The following ERGIC1 variants were observed in gnomAD, a reference collection of about 807,000 sequenced individuals.
ERGIC1 encodes endoplasmic reticulum-golgi intermediate compartment 1, also known as endoplasmic reticulum-Golgi intermediate compartment protein 1.
ERGIC1 carries 19 observed loss-of-function variants against 38.3 expected under a neutral mutation model. That is an observed-to-expected ratio of 0.50 (90% CI 0.35 to 0.73). The LOEUF (loss-of-function observed/expected upper bound fraction) is 0.73, where lower values mean the gene tolerates loss of function less well. Ranked by LOEUF, ERGIC1 falls within the 30% of genes least tolerant of loss-of-function variation. The pLI, the probability that ERGIC1 is intolerant of heterozygous loss-of-function variation, is 0.01. For missense variants in ERGIC1, 294 were observed against 389.2 expected (o/e 0.76, Z 2.06); for synonymous variants, 124 against 157.6 (o/e 0.79, Z 1.60).
intron 1 of ERGIC1, among the ~76,000 whole-genome samples, chr5:172,879,286 G>A (rs1166020205): frequency 3.3e-5 from 5 of 152,234 alleles, no homozygotes; most frequent in Non-Finnish European, 5.9e-5. Context: ...GGGAAGACGT[G>A]TTTATTCGGG....
intron 1 of ERGIC1, among the ~76,000 whole-genome samples, chr5:172,856,719 C>T (rs902346700): frequency 2.0e-5 from 3 of 152,196 alleles, no homozygotes; most frequent in Non-Finnish European, 4.4e-5. Flanking sequence ...GAATGGTTCC[C>T]AAAGGCTGTG....
At chr5:172,879,783 CAG>C (rs1387575512) in intron 1 of ERGIC1, among the ~76,000 whole-genome samples, 1 of 152,226 alleles carries the variant, frequency 6.6e-6, no homozygotes, top group Non-Finnish European at 1.5e-5. Flanking sequence ...CCGCACACAA[CAG>C]AGCTTCCCAG....
At chr5:172,873,501 T>C (rs1311009083) in intron 1 of ERGIC1, among the ~76,000 whole-genome samples, 2 of 152,234 alleles carry the variant, frequency 1.3e-5, no homozygotes, top group African/African-American at 2.4e-5. Context: ...CCGTGGACCC[T>C]GCATCCTTCA....
At chr5:172,947,913 G>GGT (rs1764159135) in intron 9 of ERGIC1, among the ~76,000 whole-genome samples, 7 of 107,812 alleles carry the variant, frequency 6.5e-5, no homozygotes, top group Admixed American at 5.9e-4. Context: ...TGTGTGTGTG[G>GGT]TTATTTTTTA....
chr5:172,949,148 G>C (rs1446794154), intron 9 of ERGIC1, among the ~76,000 whole-genome samples: 1 of 152,180 alleles, frequency 6.6e-6, no homozygotes, highest in African/African-American at 2.4e-5. Flanking sequence ...CAATTTGTAG[G>C]CCATAACATT....
intron 1 of ERGIC1, among the ~76,000 whole-genome samples, chr5:172,845,402 C>A (rs1761262854): frequency 6.6e-6 from 1 of 152,194 alleles, no homozygotes; most frequent in African/African-American, 2.4e-5. Context: ...TTCCTGTGGG[C>A]AGCGGGCAGG....
In ERGIC1 at chr5:172,939,906, G is replaced by A. The variant is rs145953781; in HGVS notation, c.765+4596G>A. Among the ~76,000 whole-genome samples, 647 of 152,374 alleles carry A rather than the reference G, an allele frequency of 4.2e-3. 8 individuals are homozygous for A. The highest frequency in any genetic ancestry group is 0.015 in the African/African-American group (611 of 41,586). The stretch of plus-strand genomic sequence containing the variant: ...GCACAAAGATCCCTGGGAGCCCTCG[G>A]AGGGCGGGGTGGGGCCAGGATGGAA... On this transcript the variant is annotated intron_variant, in intron 9 of 9. Transcript: ENST00000393784.
chr5:172,840,385 C>T (rs1172239340), intron 1 of ERGIC1, among the ~76,000 whole-genome samples: 1 of 152,060 alleles, frequency 6.6e-6, no homozygotes, highest in South Asian at 2.1e-4. Context: ...TTTTGTCAGG[C>T]GTGGGAGAGA....
chr5:172,923,109 C>T (rs1428260501), intron 5 of ERGIC1, among the ~76,000 whole-genome samples: 3 of 120,498 alleles, frequency 2.5e-5, no homozygotes, highest in Non-Finnish European at 5.6e-5. Flanking sequence ...AGGATCATAC[C>T]AAGGGTTCTA....
intron 2 of ERGIC1, among the ~76,000 whole-genome samples, chr5:172,893,806 T>TGCTGAGTGA (rs1762628346): frequency 6.9e-6 from 1 of 144,426 alleles, no homozygotes; most frequent in Admixed American, 7.2e-5. Context: ...CGACATAGAT[T>TGCTGAGTGA]GCTGAGTGAG....
chr5:172,885,334 A>G (rs908733791), intron 1 of ERGIC1, among the ~76,000 whole-genome samples: 1 of 150,656 alleles, frequency 6.6e-6, no homozygotes, highest in African/African-American at 2.4e-5. Context: ...AGGTCTCTCT[A>G]TGCTGCCCAG....
At chr5:172,941,287 A>C (rs1335171791) in intron 9 of ERGIC1, among the ~76,000 whole-genome samples, 1 of 152,060 alleles carries the variant, frequency 6.6e-6, no homozygotes, top group East Asian at 1.9e-4. Flanking sequence ...TTCCCTAGCC[A>C]GACAGGATGA....
chr5:172,926,667 C>A lies in ERGIC1; in HGVS notation c.541+98C>A. On this transcript the variant is annotated intron_variant, in intron 7 of 9. Coordinates refer to ENST00000393784, the MANE Select transcript of ERGIC1 (RefSeq NM_001031711.3). The surrounding 1 kb of genome is among the most constrained non-coding windows in gnomAD (Gnocchi z 5.2). Reference sequence around the variant, plus strand: ...AGAGGTGGGGGTGCCTGTCCAGCACCCACTCCAAGGCAGGGAGGCTGCTGC... The same window carrying A: ...AGAGGTGGGGGTGCCTGTCCAGCACACACTCCAAGGCAGGGAGGCTGCTGC... 1 of 1,358,310 alleles carries A rather than the reference C, an allele frequency of 7.4e-7. No homozygotes were observed. The highest frequency in any genetic ancestry group is 1.2e-5 in the South Asian group (1 of 85,182). The allele number at this position is 1,358,310 out of a possible 1,614,324, so 84.1% of individuals were successfully genotyped here. A position where few individuals can be genotyped will look rare whatever the true frequency, so the allele number is the denominator to read the frequency against.
intron 9 of ERGIC1, among the ~76,000 whole-genome samples, chr5:172,939,879 C>T (rs555675500): frequency 9.8e-5 from 15 of 152,358 alleles, no homozygotes; most frequent in East Asian, 3.9e-4. Flanking sequence ...CGTACACACA[C>T]GGCACAAAGA....
chr5:172,870,902 G>A (rs1349343138), intron 1 of ERGIC1, among the ~76,000 whole-genome samples: 2 of 152,184 alleles, frequency 1.3e-5, no homozygotes, highest in Admixed American at 6.5e-5. Context: ...GTCTTCCCTG[G>A]CTCAGCGGGC....
At chr5:172,931,299 T>C (rs508371) in intron 7 of ERGIC1, 88,561 of 152,070 alleles carry the variant, frequency 0.58, 26,540 homozygotes, top group African/African-American at 0.66. Context: ...CAGCATTGGA[T>C]TCCAGTTACC....
At chr5:172,871,602 C>A (rs541531700) in intron 1 of ERGIC1, among the ~76,000 whole-genome samples, 6 of 152,336 alleles carry the variant, frequency 3.9e-5, no homozygotes, top group Admixed American at 3.9e-4. Flanking sequence ...TGTCTGACCT[C>A]CGATGTGCTC....
At chr5:172,868,674 T>G (rs1225772282) in intron 1 of ERGIC1, among the ~76,000 whole-genome samples, 2 of 152,050 alleles carry the variant, frequency 1.3e-5, no homozygotes, top group African/African-American at 4.8e-5. Flanking sequence ...ACACCAAGAG[T>G]GACCCCTGAT....
chr5:172,840,061 C>G (rs113993085), intron 1 of ERGIC1, among the ~76,000 whole-genome samples: 3 of 152,202 alleles, frequency 2.0e-5, no homozygotes, highest in African/African-American at 7.2e-5. Context: ...TTTTTTCCCC[C>G]TAGCCTCATG....
Sources: gnomAD v4.1 joint callset for allele counts (sites outside exome capture counted in the v4.1 genomes callset) on GRCh38, gnomAD v4.1.1 for gene constraint, Gnocchi (gnomAD v3.1) non-coding constraint, MANE v1.5 for transcripts, NCBI Gene and HGNC (gene_info 2026-07-23, HGNC 2026-07-21) for gene names.